Variants in SH3RF3 observed in about 807,000 individuals in gnomAD.
The protein encoded by SH3RF3 is SH3 domain containing ring finger 3, also known as E3 ubiquitin-protein ligase SH3RF3.
Under a neutral mutation model 66.3 loss-of-function variants are expected in SH3RF3, and 29 were observed. That is an observed-to-expected ratio of 0.44 (90% confidence interval 0.33 to 0.60). SH3RF3 has a LOEUF of 0.60. Ranked by LOEUF, SH3RF3 falls within the 20% of genes least tolerant of loss-of-function variation. The pLI is 0.04. For synonymous variants in SH3RF3, 583 were observed against 532.0 expected (o/e 1.10, Z -1.32); for missense variants, 1,194 against 1,190.9 (o/e 1.00, Z -0.04).
At position 109,449,213 on chromosome 2, in the gene SH3RF3, C is replaced by T. The variant is rs747960147; in HGVS notation, c.1872C>T (p.Thr624=). 7 of 1,613,526 alleles carry T rather than the reference C, an allele frequency of 4.3e-6. No homozygotes were observed. The Admixed American group carries it at 6.7e-5, about 15-fold the overall frequency. The part of the protein sequence containing the change: ...AAQAQDRPTA[T]VSPLRTQNSP... ...AGGCTCAGGACCGGCCAACTGCCAC[C>T]GTGTCACCCCTGCGCACCCAGAACT... The change falls in exon 8 of 10, where the codon ACC becomes ACT. Residue 624 remains threonine (T), a synonymous_variant. Coordinates refer to ENST00000309415, the MANE Select transcript of SH3RF3 (RefSeq NM_001099289.3).
chr2:109,462,787 C>A (rs1257069936), intron 8 of SH3RF3, among the ~76,000 whole-genome samples: 1 of 152,120 alleles, frequency 6.6e-6, no homozygotes, highest in African/African-American at 2.4e-5. Flanking sequence ...GGTTCAGGGC[C>A]ATACTTGAAC....
chr2:109,334,358 TAAAA>T (rs372662372), intron 1 of SH3RF3, among the ~76,000 whole-genome samples: 5 of 126,118 alleles, frequency 4.0e-5, no homozygotes, highest in South Asian at 5.3e-4. Context: ...TTTTTTCCTT[TAAAA>T]AAAAAAAAAA....
At chr2:109,224,930 C>T (rs1679336948) in intron 1 of SH3RF3, among the ~76,000 whole-genome samples, 1 of 152,062 alleles carries the variant, frequency 6.6e-6, no homozygotes, top group African/African-American at 2.4e-5. Context: ...CTAGTGGCTA[C>T]TCTAATGGAC....
intron 5 of SH3RF3, 137 bp from the exon 6 acceptor site, chr2:109,432,364 A>G (rs994247475): frequency 1.8e-6 from 2 of 1,113,880 alleles, no homozygotes; most frequent in African/African-American, 3.1e-5. Flanking sequence ...GCCTCTGTAA[A>G]CTGCAGAGCC....
At chr2:109,143,084 TG>T (rs1574471754) in intron 1 of SH3RF3, among the ~76,000 whole-genome samples, 1 of 152,036 alleles carries the variant, frequency 6.6e-6, no homozygotes, top group African/African-American at 2.4e-5. Flanking sequence ...GAACCCAGTG[TG>T]GGGGGCCTGC....
intron 8 of SH3RF3, among the ~76,000 whole-genome samples, chr2:109,473,679 C>T (rs929204936): frequency 6.6e-6 from 1 of 152,074 alleles, no homozygotes; most frequent in African/African-American, 2.4e-5. Flanking sequence ...GAGGAAGCAG[C>T]GTGCCATGTC....
At chr2:109,193,107 A>G in intron 1 of SH3RF3, among the ~76,000 whole-genome samples, 1 of 152,178 alleles carries the variant, frequency 6.6e-6, no homozygotes, top group Non-Finnish European at 1.5e-5. Context: ...TTATGAAGGA[A>G]CATTCTTAAC....
intron 4 of SH3RF3, among the ~76,000 whole-genome samples, chr2:109,409,636 G>A (rs1048516156): frequency 4.6e-5 from 7 of 152,098 alleles, no homozygotes; most frequent in South Asian, 2.1e-4. Context: ...GGCAGAAGGC[G>A]TGGCTGCTGC....
At chr2:109,387,546 A>G (rs1280480743) in intron 3 of SH3RF3, among the ~76,000 whole-genome samples, 1 of 152,046 alleles carries the variant, frequency 6.6e-6, no homozygotes, top group Non-Finnish European at 1.5e-5. Flanking sequence ...CCTTCCCCAG[A>G]TGTGATGGGG....
At chr2:109,442,845 C>T (rs190352899) in intron 7 of SH3RF3, among the ~76,000 whole-genome samples, 1 of 152,260 alleles carries the variant, frequency 6.6e-6, no homozygotes, top group East Asian at 1.9e-4. Flanking sequence ...TAGGTTTAAA[C>T]CTAATCATGT....
chr2:109,199,602 T>TCAACCCGAGTGCA (rs1558953936), intron 1 of SH3RF3, among the ~76,000 whole-genome samples: 2 of 340 alleles, frequency 5.9e-3, no homozygotes, highest in Admixed American at 0.031. Context: ...TGGAATGGAA[T>TCAACCCGAGTGCA]GGAATGGAAT....
intron 1 of SH3RF3, among the ~76,000 whole-genome samples, chr2:109,238,287 T>G (rs1465833418): frequency 1.3e-5 from 2 of 152,188 alleles, no homozygotes; most frequent in African/African-American, 2.4e-5. Flanking sequence ...GGATACCAGA[T>G]GGCAAGTACA....
intron 8 of SH3RF3, among the ~76,000 whole-genome samples, chr2:109,479,949 C>T (rs1678791790): frequency 6.6e-6 from 1 of 152,150 alleles, no homozygotes; most frequent in Non-Finnish European, 1.5e-5. Flanking sequence ...CTGACAGCCC[C>T]TCTGCAGCCC....
intron 1 of SH3RF3, among the ~76,000 whole-genome samples, chr2:109,294,795 G>C (rs1369782618): frequency 1.3e-5 from 2 of 152,118 alleles, no homozygotes; most frequent in Admixed American, 1.3e-4. Context: ...CAAGTGAGGA[G>C]GTACCGACTC....
chr2:109,264,223 G>A (rs191943325), intron 1 of SH3RF3, among the ~76,000 whole-genome samples: 51 of 136,344 alleles, frequency 3.7e-4, no homozygotes, highest in Middle Eastern at 4.2e-3. Flanking sequence ...GATCCACTCC[G>A]AGTCTGTGGG....
At chr2:109,377,555 G>A (rs896860603) in intron 3 of SH3RF3, among the ~76,000 whole-genome samples, 1 of 152,104 alleles carries the variant, frequency 6.6e-6, no homozygotes, top group Admixed American at 6.5e-5. Flanking sequence ...AATATGGTGT[G>A]GTGTTTGGGA....
intron 1 of SH3RF3, among the ~76,000 whole-genome samples, chr2:109,162,439 G>C (rs1054451491): frequency 6.6e-6 from 1 of 151,910 alleles, no homozygotes; most frequent in South Asian, 2.1e-4. Flanking sequence ...TATACTTTAA[G>C]TTTTAGGGTA....
intron 2 of SH3RF3, among the ~76,000 whole-genome samples, chr2:109,348,989 T>A (rs1336174350): frequency 6.6e-6 from 1 of 152,246 alleles, no homozygotes; most frequent in African/African-American, 2.4e-5. Context: ...TCACTCGTTC[T>A]GTCTTGCCTG....
chr2:109,379,786 G>A (rs1026465415), intron 3 of SH3RF3, among the ~76,000 whole-genome samples: 1 of 152,020 alleles, frequency 6.6e-6, no homozygotes, highest in African/African-American at 2.4e-5. Flanking sequence ...GGTGAAGCCC[G>A]GTCATTGCCA....
Sources: gnomAD v4.1 joint callset for allele counts (sites outside exome capture counted in the v4.1 genomes callset) on GRCh38, gnomAD v4.1.1 for gene constraint, MANE v1.5 for transcripts, NCBI Gene and HGNC (gene_info 2026-07-23, HGNC 2026-07-21) for gene names.